PLAC8: variants seen among roughly 807,000 people sequenced by gnomAD.
PLAC8 encodes the protein placenta-specific gene 8 protein.
A neutral mutation model predicts 12.6 loss-of-function variants in PLAC8; 6 were observed. That is an observed-to-expected ratio of 0.48 (90% CI 0.26 to 0.94). PLAC8 has a LOEUF of 0.94. Among genes scored for constraint, PLAC8 ranks in the 40% least tolerant of loss-of-function variants. PLAC8 has a pLI of 0.14. For synonymous variants in PLAC8, 54 were observed against 52.6 expected, an observed-to-expected ratio of 1.03 and a Z score of -0.11; for missense variants, 122 against 152.7, an observed-to-expected ratio of 0.80 and a Z score of 1.06.
chr4:83,097,273 T>C (rs1201630679), intron 3 of PLAC8, among the ~76,000 whole-genome samples: 1 of 152,010 alleles, frequency 6.6e-6, no homozygotes, highest in Non-Finnish European at 1.5e-5. Context: ...GTGTGTGATG[T>C]TTATATATAA....
intron 1 of PLAC8, among the ~76,000 whole-genome samples, chr4:83,114,010 A>G (rs1202546178): frequency 6.6e-6 from 1 of 150,880 alleles, no homozygotes; most frequent in South Asian, 2.1e-4. Flanking sequence ...ATATTGATTA[A>G]TCCAGATACT....
At chr4:83,104,801 T>C in intron 3 of PLAC8, 95 bp downstream of exon 3, 1 of 1,346,592 alleles carries the variant, frequency 7.4e-7, no homozygotes, top group Non-Finnish European at 1.1e-6. Flanking sequence ...ATCAATCAAT[T>C]TCAGAAGATG....
rs1175766867 is a variant in PLAC8 at position 83,090,115 on chromosome 4, T to C, written c.*866A>G. ...TGGGTTACTGTGAACCAAAATCTCC[T>C]GCTAAGAAACCAAAGTATGGTGCAG... is the stretch of plus-strand genomic sequence containing the variant. On this transcript the variant is annotated 3_prime_UTR_variant, in exon 5 of 5. Coordinates refer to ENST00000311507, the MANE Select transcript of PLAC8 (RefSeq NM_016619.3). 6.6e-6 allele frequency: 1 copy of C among 151,960 alleles called. No homozygotes were observed. The highest frequency in any genetic ancestry group is 1.9e-4 in the East Asian group (1 of 5,170). The allele number at this position is 151,960 out of a possible 1,614,324, so 9.4% of individuals were successfully genotyped here. A position where few individuals can be genotyped will look rare whatever the true frequency, so the allele number is the denominator to read the frequency against.
intron 3 of PLAC8, among the ~76,000 whole-genome samples, chr4:83,103,906 G>C (rs183024339): frequency 4.1e-4 from 62 of 152,232 alleles, no homozygotes; most frequent in African/African-American, 1.2e-3. Flanking sequence ...GACCTCAAGT[G>C]ATCAGCCCTC....
intron 4 of PLAC8, chr4:83,093,312 A>G (rs748850260): frequency 2.6e-5 from 4 of 152,150 alleles, no homozygotes; most frequent in African/African-American, 4.8e-5. Flanking sequence ...TTTCAGTTCT[A>G]TGGGTTGCCT....
chr4:83,107,979 T>A, intron 1 of PLAC8, 29 bp from the exon 2 acceptor site: 1 of 147,172 alleles, frequency 6.8e-6, no homozygotes, highest in Middle Eastern at 5.8e-4. Flanking sequence ...GTTAGAAATC[T>A]CTGTTGTGGG....
At chr4:83,092,482 C>T (rs1015548550) in intron 4 of PLAC8, among the ~76,000 whole-genome samples, 1 of 151,950 alleles carries the variant, frequency 6.6e-6, no homozygotes, top group African/African-American at 2.4e-5. Context: ...CTCAAGTGAT[C>T]CTCCCACCTC....
At chr4:83,099,841 C>T (rs931160623) in intron 3 of PLAC8, among the ~76,000 whole-genome samples, 1 of 132,610 alleles carries the variant, frequency 7.5e-6, no homozygotes, top group African/African-American at 2.9e-5. Context: ...ACTAAAAATA[C>T]AAAAAAAAAA....
intron 2 of PLAC8, among the ~76,000 whole-genome samples, chr4:83,105,679 T>C (rs1732218751): frequency 6.6e-6 from 1 of 152,160 alleles, no homozygotes; most frequent in Non-Finnish European, 1.5e-5. Context: ...CACTGAAACA[T>C]TTTAAGAGGG....
chr4:83,111,965 G>A (rs139360793), intron 1 of PLAC8, among the ~76,000 whole-genome samples: 32 of 152,040 alleles, frequency 2.1e-4, no homozygotes, highest in African/African-American at 7.2e-4. Flanking sequence ...GGCTGAGGTC[G>A]GGAGTTCGAG....
Position 83,114,278 on chromosome 4 carries a change from G to A in PLAC8, c.-30+388C>T, listed in dbSNP as rs6820661. Among the ~76,000 whole-genome samples, 1,332 of 152,168 alleles carry A rather than the reference G, an allele frequency of 8.8e-3. 19 individuals are homozygous for A. Among genetic ancestry groups the A allele is most frequent in the African/African-American group, 0.03 (1,227 of 41,524 alleles). On this transcript the variant is annotated intron_variant, in intron 1 of 4. Transcript: ENST00000311507. ...CTAAATACTTTGAATGGATAAAATA[G>A]AATATTTGTAAAGCAGAAAGAAATT... is the stretch of plus-strand genomic sequence containing the variant.
chr4:83,095,759 A>G (rs1231253451), intron 3 of PLAC8, among the ~76,000 whole-genome samples: 2 of 152,234 alleles, frequency 1.3e-5, no homozygotes, highest in Non-Finnish European at 2.9e-5. Context: ...CTAGGGAAGA[A>G]GTAAGGAAGA....
chr4:83,101,207 G>A (rs374168093), intron 3 of PLAC8, among the ~76,000 whole-genome samples: 8 of 152,052 alleles, frequency 5.3e-5, no homozygotes, highest in Admixed American at 1.3e-4. Context: ...GTGAAATCCC[G>A]TCTCTACTAA....
chr4:83,106,483 T>C (rs1320682686), intron 2 of PLAC8, among the ~76,000 whole-genome samples: 2 of 151,802 alleles, frequency 1.3e-5, no homozygotes, highest in Admixed American at 1.3e-4. Context: ...CTGGGTGTGG[T>C]TGTGCGTGCC....
intron 3 of PLAC8, among the ~76,000 whole-genome samples, chr4:83,100,314 C>G (rs937240916): frequency 5.3e-5 from 8 of 151,520 alleles, no homozygotes; most frequent in Non-Finnish European, 1.0e-4. Context: ...GCACCTCTGT[C>G]TCCCTTCCTC....
In PLAC8 at chr4:83,107,847, G is replaced by C. The variant is rs1372175256; in HGVS notation, c.75C>G (p.Asn25Lys). The change falls in exon 2 of 5, where the codon AAC becomes AAG. Residue 25 changes from asparagine to lysine, a missense_variant. Asn to Lys is a moderately conservative substitution (Grantham distance 94). Coordinates refer to ENST00000311507, the MANE Select transcript of PLAC8 (RefSeq NM_016619.3). ...AACAGTCACACATGCCTGTCTGCCA[G>C]TTGGAGTTCTGGGGGGCCGGACCGG... ...VGPGPAPQNS[N>K]WQTGMCDCFS... The C allele has an allele frequency of 6.2e-7, 1 of 1,609,604 alleles. No individual in the cohort carries two copies. The highest frequency in any genetic ancestry group is 1.7e-5 in the Admixed American group (1 of 59,782).
chr4:83,097,668 ATATCT>A (rs1436830732), intron 3 of PLAC8, among the ~76,000 whole-genome samples: 2 of 152,204 alleles, frequency 1.3e-5, no homozygotes, highest in African/African-American at 4.8e-5. Context: ...CATAATTAAA[ATATCT>A]TACTTATCAG....
chr4:83,105,467 T>A (rs1732212211), intron 2 of PLAC8, among the ~76,000 whole-genome samples: 1 of 152,132 alleles, frequency 6.6e-6, no homozygotes, highest in Non-Finnish European at 1.5e-5. Context: ...TATTGAAGGA[T>A]GATTAGATGT....
At chr4:83,101,173 AT>A (rs927974082) in intron 3 of PLAC8, among the ~76,000 whole-genome samples, 1 of 152,136 alleles carries the variant, frequency 6.6e-6, no homozygotes, top group African/African-American at 2.4e-5. Flanking sequence ...AGGTCAGGAG[AT>A]TGAGACCATC....
Sources: allele counts gnomAD v4.1 joint callset (sites outside exome capture counted in the v4.1 genomes callset), GRCh38; gene constraint gnomAD v4.1.1; transcripts MANE v1.5; gene names NCBI Gene and HGNC (gene_info 2026-07-23, HGNC 2026-07-21).